The following MAP7D2 variants were observed in gnomAD, a reference collection of about 807,000 sequenced individuals.
MAP7D2 encodes the protein MAP7 domain-containing protein 2.
A neutral mutation model predicts 63.5 loss-of-function variants in MAP7D2; 33 were observed. That is an observed-to-expected ratio of 0.52 (90% CI 0.39 to 0.70). The LOEUF is 0.70. Among genes scored for constraint, MAP7D2 ranks in the 30% least tolerant of loss-of-function variants. The pLI, the probability that MAP7D2 is intolerant of heterozygous loss-of-function variation, is 0.00. For synonymous variants in MAP7D2, 224 were observed against 223.7 expected, an observed-to-expected ratio of 1.00 and a Z score of -0.01; for missense variants, 626 against 604.0, an observed-to-expected ratio of 1.04 and a Z score of -0.38.
chrX:20,096,799 A>T (rs1472953488), intron 1 of MAP7D2, among the ~76,000 whole-genome samples: 1 of 112,422 alleles, frequency 8.9e-6, no homozygotes, highest in Non-Finnish European at 1.9e-5. Context: ...TACCACAATA[A>T]AAAACAAATT....
intron 8 of MAP7D2, among the ~76,000 whole-genome samples, chrX:20,037,988 A>G (rs1201144288): frequency 9.0e-6 from 1 of 111,416 alleles, no homozygotes; most frequent in Non-Finnish European, 1.9e-5. Flanking sequence ...GAGGTTACAC[A>G]TGGGCTCAGC....
intron 1 of MAP7D2, among the ~76,000 whole-genome samples, chrX:20,092,652 G>A: frequency 8.9e-6 from 1 of 111,783 alleles, no homozygotes; most frequent in South Asian, 3.7e-4. Flanking sequence ...GGTTCTCCCT[G>A]TATAAACGTG....
In MAP7D2 at chrX:20,116,701, C is replaced by T. The variant is rs370511251; in HGVS notation, c.130+49G>A. On this transcript the variant is annotated intron_variant, in intron 1 of 16. Transcript: ENST00000379643. ...CCCTGGGCCGCCGGGCCCGCCCCCCCACAGGAACCCGAAGCCCTCGGGCGC... is the reference window on the plus strand; with the variant it reads ...CCCTGGGCCGCCGGGCCCGCCCCCCTACAGGAACCCGAAGCCCTCGGGCGC... 115 of 1,121,091 alleles carry T rather than the reference C, an allele frequency of 1.0e-4. No individual in the cohort carries two copies. The African/African-American group carries it at 1.7e-3, about 17-fold the overall frequency. 92.4% of individuals were successfully genotyped at this position (1,121,091 alleles called of 1,213,427 possible). A position where few individuals can be genotyped will look rare whatever the true frequency, so the allele number is the denominator to read the frequency against.
intron 12 of MAP7D2, among the ~76,000 whole-genome samples, chrX:20,014,826 C>T (rs1229157361): frequency 1.8e-5 from 2 of 110,916 alleles, no homozygotes; most frequent in African/African-American, 6.6e-5. Context: ...AGGTCATCTT[C>T]CCACCTCAAC....
intron 1 of MAP7D2, among the ~76,000 whole-genome samples, chrX:20,110,662 CAA>C (rs1282020261): frequency 0.016 from 544 of 33,030 alleles, 2 homozygotes; most frequent in African/African-American, 0.053. Context: ...GACTCTGTCT[CAA>C]AAAAAAAAAA....
At chrX:20,099,264 CTCT>C (rs1569146935) in intron 1 of MAP7D2, among the ~76,000 whole-genome samples, 9 of 109,425 alleles carry the variant, frequency 8.2e-5, no homozygotes, top group Non-Finnish European at 1.7e-4. Flanking sequence ...CTCTCTCTCT[CTCT>C]CTCTCAGGTC....
At chrX:20,027,757 G>GGAGAGAGAGA (rs56796954) in intron 8 of MAP7D2, among the ~76,000 whole-genome samples, 30 of 76,247 alleles carry the variant, frequency 3.9e-4, no homozygotes, top group African/African-American at 1.2e-3. Context: ...GAAGGCGGGG[G>GGAGAGAGAGA]GAGAGAGAGA....
At chrX:20,025,621 C>T (rs756896488) in intron 9 of MAP7D2, 60 bp downstream of exon 9, 36 of 1,169,215 alleles carry the variant, frequency 3.1e-5, no homozygotes, top group Non-Finnish European at 3.6e-5. Context: ...GAGAATGGCA[C>T]GTGGATTGGG....
At chrX:20,064,095 G>A (rs1230718580) in intron 2 of MAP7D2, among the ~76,000 whole-genome samples, 1 of 111,956 alleles carries the variant, frequency 8.9e-6, no homozygotes, top group African/African-American at 3.3e-5. Flanking sequence ...TTACTAAGGG[G>A]CCCTTAATTC....
chrX:20,064,842 C>T (rs1464149771), intron 1 of MAP7D2, 37 bp from the exon 2 acceptor site: 2 of 1,135,925 alleles, frequency 1.8e-6, no homozygotes, highest in East Asian at 6.0e-5. Context: ...TTCAGTTCTT[C>T]ACTCTTTCCC....
At chrX:20,082,756 G>A (rs1951180991) in intron 1 of MAP7D2, among the ~76,000 whole-genome samples, 1 of 111,874 alleles carries the variant, frequency 8.9e-6, no homozygotes, top group African/African-American at 3.3e-5. Context: ...AGCCTCCCAA[G>A]TAGCTGGGAT....
intron 6 of MAP7D2, among the ~76,000 whole-genome samples, chrX:20,045,529 A>G (rs1321705365): frequency 3.4e-4 from 20 of 58,162 alleles, no homozygotes; most frequent in African/African-American, 3.2e-3. Context: ...CCCATCTCGA[A>G]AAAAAAAAAA....
At chrX:20,109,480 A>ACT (rs202193419) in intron 1 of MAP7D2, among the ~76,000 whole-genome samples, 1,915 of 95,283 alleles carry the variant, frequency 0.02, 51 homozygotes, top group African/African-American at 0.074. Context: ...AGATCATGCC[A>ACT]CTGCACTCCA....
intron 7 of MAP7D2, among the ~76,000 whole-genome samples, chrX:20,043,755 T>C (rs1188362059): frequency 8.9e-6 from 1 of 112,506 alleles, no homozygotes; most frequent in African/African-American, 3.2e-5. Flanking sequence ...AAAAGTAGTA[T>C]GGCACTGTGT....
At chrX:20,062,048 ACT>A (rs759285376) in intron 3 of MAP7D2, among the ~76,000 whole-genome samples, 1 of 112,101 alleles carries the variant, frequency 8.9e-6, no homozygotes, top group African/African-American at 3.2e-5. Context: ...CCATCTACTG[ACT>A]CTGTTTCATA....
At chrX:20,061,684 C>A (rs747942938) in intron 3 of MAP7D2, among the ~76,000 whole-genome samples, 1 of 112,704 alleles carries the variant, frequency 8.9e-6, no homozygotes, top group African/African-American at 3.2e-5. Flanking sequence ...TGGCATAAAA[C>A]TCCCTCACCT....
At chrX:20,017,876 C>A (rs1397005906) in intron 10 of MAP7D2, among the ~76,000 whole-genome samples, 1 of 111,403 alleles carries the variant, frequency 9.0e-6, no homozygotes, top group East Asian at 2.8e-4. Flanking sequence ...GAAGTTAACA[C>A]ACAAAGGATA....
At chrX:20,017,501 A>T (rs748591042) in intron 10 of MAP7D2, among the ~76,000 whole-genome samples, 2 of 112,709 alleles carry the variant, frequency 1.8e-5, no homozygotes, top group Admixed American at 9.4e-5. Context: ...GCAGGCTAAC[A>T]GCCTATGTAT....
chrX:20,037,629 G>T (rs965392062), intron 8 of MAP7D2, among the ~76,000 whole-genome samples: 1 of 112,028 alleles, frequency 8.9e-6, no homozygotes, highest in Non-Finnish European at 1.9e-5. Flanking sequence ...CTGGTTATGC[G>T]CTTTACTTGG....
Sources: allele counts gnomAD v4.1 joint callset (sites outside exome capture counted in the v4.1 genomes callset), GRCh38; gene constraint gnomAD v4.1.1; transcripts MANE v1.5; gene names NCBI Gene and HGNC (gene_info 2026-07-23, HGNC 2026-07-21).